Variants in ZNF479 observed in about 807,000 individuals in gnomAD.
ZNF479 encodes the protein KRAB zinc finger protein KR19.
ZNF479 carries 15 observed loss-of-function variants against 14.7 expected under a neutral mutation model. The ratio of observed to expected loss-of-function variants is 1.02; its 90% CI spans 0.68 to 1.57. The LOEUF is 1.57. ZNF479 is among the 40% of genes most tolerant of loss of function. The probability of loss-of-function intolerance (pLI) is 0.00; values close to 1 mark genes in which losing one functional copy is unlikely to be tolerated. For synonymous variants in ZNF479, 145 were observed against 211.5 expected (o/e 0.69, Z 2.73); for missense variants, 506 against 615.1 (o/e 0.82, Z 1.88).
chr7:57,129,253 C>A (rs1378402577), intron 1 of ZNF479, among the ~76,000 whole-genome samples: 1 of 152,168 alleles, frequency 6.6e-6, no homozygotes, highest in Non-Finnish European at 1.5e-5. Context: ...GAACTAAACT[C>A]TCCTGAAAGT....
At chr7:57,122,828 A>G (rs1196693696) in intron 3 of ZNF479, among the ~76,000 whole-genome samples, 15 of 152,146 alleles carry the variant, frequency 9.9e-5, no homozygotes, top group Admixed American at 2.6e-4. Context: ...CTAGGAATCT[A>G]TAATTATTAT....
At chr7:57,126,183 T>G in intron 2 of ZNF479, 70 bp from the exon 3 acceptor site, 1 of 1,440,114 alleles carries the variant, frequency 6.9e-7, no homozygotes, top group East Asian at 2.3e-5. Flanking sequence ...AGTATTATGC[T>G]TAGAGGATAT....
upstream of ZNF479, among the ~76,000 whole-genome samples, chr7:57,136,128 A>C (rs909732851): frequency 6.6e-6 from 1 of 152,036 alleles, no homozygotes; most frequent in Non-Finnish European, 1.5e-5. Flanking sequence ...TCACGCCTGT[A>C]ATCTCAGCAT....
At chr7:57,129,289 T>A (rs919570708) in intron 1 of ZNF479, among the ~76,000 whole-genome samples, 1 of 152,134 alleles carries the variant, frequency 6.6e-6, no homozygotes, top group African/African-American at 2.4e-5. Context: ...AGTTTATAAA[T>A]CACTTGGTAA....
At position 57,123,713 on chromosome 7, in the gene ZNF479, G is replaced by A. The variant is rs567552609; in HGVS notation, c.262+2305C>T. ...CTGAGCATTGTGGGGTATGCCTCTA[G>A]TGCCAGCCGCTCAGTAGGCCAAGGT... On this transcript the variant is annotated intron_variant, in intron 3 of 3. Transcript: ENST00000319636. Among the ~76,000 whole-genome samples the A allele has an allele frequency of 3.5e-3, 525 of 151,064 alleles. 9 individuals carry two copies. Among genetic ancestry groups the A allele is most frequent in the African/African-American group, 0.012 (481 of 40,462 alleles).
intron 1 of ZNF479, chr7:57,127,669 G>C (rs992735758): frequency 3.0e-5 from 12 of 399,928 alleles, no homozygotes; most frequent in Non-Finnish European, 4.1e-5. Context: ...GGAAAGGACA[G>C]CTTCCAGATT....
intron 3 of ZNF479, among the ~76,000 whole-genome samples, chr7:57,125,059 T>A (rs1786097783): frequency 6.6e-6 from 1 of 151,584 alleles, no homozygotes; most frequent in Admixed American, 6.6e-5. Context: ...GAAACAAGAG[T>A]GAAACTCCGT....
chr7:57,120,438 C>T lies in ZNF479; in HGVS notation c.977G>A (p.Arg326Lys), dbSNP rs1203932030. The T allele has an allele frequency of 3.7e-6, 6 of 1,608,532 alleles. No homozygotes were observed. The East Asian group carries it at 1.1e-4, about 30-fold the overall frequency. ...AAAGGCTTTGCCACATTCCTCACACCTGCAGGGTTTCTCTCCAGTATGAAT... is the reference window on the plus strand; with the variant it reads ...AAAGGCTTTGCCACATTCCTCACACTTGCAGGGTTTCTCTCCAGTATGAAT... ...KRIHTGEKPCRCEECGKAFSW... is the reference protein window; with the variant it reads ...KRIHTGEKPCKCEECGKAFSW... The change falls in exon 4 of 4, where the codon AGG (arginine) becomes AAG (lysine). Residue 326 changes from arginine to lysine, a missense_variant. Arg to Lys is a conservative substitution (Grantham distance 26). Around this residue, in one of 3 missense-constraint regions of ZNF479, gnomAD observed 420 missense variants for 474.2 expected, o/e 0.89. Coordinates refer to ENST00000319636, the MANE Select transcript of ZNF479 (RefSeq NM_001370129.2).
Position 57,119,930 on chromosome 7 carries a change from A to G in ZNF479, c.1485T>C (p.Cys495=). The G allele has an allele frequency of 6.2e-7, 1 of 1,613,966 alleles. No homozygotes were observed. Among genetic ancestry groups the G allele is most frequent in the Non-Finnish European group, 8.5e-7 (1 of 1,179,976 alleles). ...RIHTGEKPYK[C]EECEQAFKWH... is the part of the protein sequence containing the mutation. ...ACTTAAAAGCTTGCTCACATTCTTC[A>G]CATTTGTAGGGTTTCTCTCCAGTAT... is the stretch of plus-strand genomic sequence containing the variant. The change falls in exon 4 of 4, where the codon TGT becomes TGC. Residue 495 remains cysteine (C), a synonymous_variant. Coordinates refer to ENST00000319636, the MANE Select transcript of ZNF479 (RefSeq NM_001370129.2).
At chr7:57,131,521 C>A (rs535064366) in intron 1 of ZNF479, among the ~76,000 whole-genome samples, 3 of 149,628 alleles carry the variant, frequency 2.0e-5, no homozygotes, top group Admixed American at 6.8e-5. Context: ...TGAGATCGCA[C>A]CACTGCACTC....
Position 57,118,254 on chromosome 7 carries a change from A to G in ZNF479, c.*1586T>C, listed in dbSNP as rs548035944. 2.0e-5 allele frequency among the ~76,000 whole-genome samples: 3 copies of G among 152,404 alleles called. No individual in the cohort carries two copies. Among genetic ancestry groups the G allele is most frequent in the Non-Finnish European group, 4.4e-5 (3 of 68,044 alleles). On this transcript the variant is annotated 3_prime_UTR_variant, in exon 4 of 4. Transcript: ENST00000319636. ...TTTAATATAAAATGTGTACAATAAA[A>G]TCTGTAATGGAAGTAAAGGTACAGC...
chr7:57,133,314 A>G (rs908621907), upstream of ZNF479, among the ~76,000 whole-genome samples: 4 of 151,930 alleles, frequency 2.6e-5, no homozygotes, highest in African/African-American at 7.3e-5. Context: ...ACCATGTAAG[A>G]TGTGCCTTGC....
chr7:57,123,207 G>T (rs1268796463), intron 3 of ZNF479, among the ~76,000 whole-genome samples: 2 of 152,156 alleles, frequency 1.3e-5, no homozygotes, highest in African/African-American at 4.8e-5. Context: ...AACCAAACAT[G>T]TCACATGGTG....
rs1362898203 is a variant in ZNF479, at chr7:57,119,730, T to G, written c.*110A>C. On this transcript the variant is annotated 3_prime_UTR_variant, in exon 4 of 4. Transcript: ENST00000319636. ...CAATATGAATTCTCTTACATTCAAT[T>G]AAGGTTTGGAACTGGTTAAAGGCTT... 1 of 1,065,758 alleles carries G rather than the reference T, an allele frequency of 9.4e-7. No homozygotes were observed. The highest frequency in any genetic ancestry group is 1.3e-6 in the Non-Finnish European group (1 of 748,544). The allele number at this position is 1,065,758 out of a possible 1,614,324, so 66.0% of individuals were successfully genotyped here.
intron 3 of ZNF479, among the ~76,000 whole-genome samples, chr7:57,122,320 T>C (rs1785989408): frequency 7.2e-6 from 1 of 138,624 alleles, no homozygotes; most frequent in Admixed American, 7.4e-5. Flanking sequence ...TAAAGAAAAA[T>C]AAAACTCTTC....
At chr7:57,133,455 A>G (rs1013914357), upstream of ZNF479, among the ~76,000 whole-genome samples, 7 of 152,206 alleles carry the variant, frequency 4.6e-5, no homozygotes, top group Admixed American at 6.5e-5. Flanking sequence ...AGCAGTGTGA[A>G]AATGGACTAA....
chr7:57,128,236 G>C (rs1255037270), intron 1 of ZNF479, among the ~76,000 whole-genome samples: 1 of 152,090 alleles, frequency 6.6e-6, no homozygotes, highest in East Asian at 1.9e-4. Flanking sequence ...ATTGTGTCTG[G>C]CCTAAATTTA....
At chr7:57,134,045 T>C (rs1217829392), upstream of ZNF479, among the ~76,000 whole-genome samples, 2 of 152,170 alleles carry the variant, frequency 1.3e-5, no homozygotes, top group African/African-American at 4.8e-5. Context: ...TTCTAGCACA[T>C]TGCAGTTCAC....
upstream of ZNF479, among the ~76,000 whole-genome samples, chr7:57,133,148 T>G (rs192944887): frequency 2.3e-4 from 35 of 151,952 alleles, no homozygotes; most frequent in East Asian, 6.2e-3. Context: ...AAAAAAAAAT[T>G]GTAATTCCCG....
Sources: gnomAD v4.1 joint callset for allele counts (sites outside exome capture counted in the v4.1 genomes callset) on GRCh38, gnomAD v4.1.1 for gene constraint, gnomAD v4.1.1 regional missense constraint, MANE v1.5 for transcripts, NCBI Gene and HGNC (gene_info 2026-07-23, HGNC 2026-07-21) for gene names.